Variants in ASAH2 observed in about 807,000 individuals in gnomAD.
The protein encoded by ASAH2 is neutral ceramidase.
Under a neutral mutation model 82.9 loss-of-function variants are expected in ASAH2, and 58 were observed. The ratio of observed to expected loss-of-function variants is 0.70; its 90% confidence interval spans 0.57 to 0.87. ASAH2 has a LOEUF of 0.87. ASAH2 is among the 40% of genes least tolerant of loss of function. The probability of loss-of-function intolerance (pLI) is 0.00; values close to 1 mark genes in which losing one functional copy is unlikely to be tolerated. For missense variants in ASAH2, 779 were observed against 834.0 expected, an observed-to-expected ratio of 0.93 and a Z score of 0.81; for synonymous variants, 276 against 289.7, an observed-to-expected ratio of 0.95 and a Z score of 0.48.
In ASAH2 at chr10:50,214,775, C is replaced by G; in HGVS notation, c.1108G>C (p.Asp370His). Residue 370 changes from aspartate (D) to histidine (H), a missense_variant, in exon 9 of 21, where the codon GAT (aspartate) becomes CAT (histidine). Asp to His is a moderately conservative substitution (Grantham distance 81, BLOSUM62 -1). Coordinates refer to ENST00000682911, the MANE Select transcript of ASAH2 (RefSeq NM_019893.4). ...PRCINTGESC[D>H]NANSTCPIGG... The stretch of plus-strand genomic sequence containing the variant: ...ATGGGACAAGTGCTATTGGCGTTAT[C>G]ACAGGACTCTCCTGTGTTGATGCAA... The G allele has an allele frequency of 1.2e-6, 2 of 1,613,800 alleles. No homozygotes were observed. Among genetic ancestry groups the G allele is most frequent in the Non-Finnish European group, 1.7e-6 (2 of 1,179,736 alleles).
At chr10:50,230,946 C>T (rs965681261) in intron 7 of ASAH2, among the ~76,000 whole-genome samples, 4 of 150,284 alleles carry the variant, frequency 2.7e-5, no homozygotes, top group Non-Finnish European at 5.9e-5. Context: ...GAGGCTGAGG[C>T]AGGAGGATCA....
chr10:50,216,390 A>G (rs1365641133), intron 8 of ASAH2, among the ~76,000 whole-genome samples: 1 of 152,146 alleles, frequency 6.6e-6, no homozygotes, highest in Admixed American at 6.6e-5. Context: ...TATACATATT[A>G]TTACTGAAAA....
At chr10:50,208,643 T>C (rs1313417225) in intron 12 of ASAH2, among the ~76,000 whole-genome samples, 1 of 151,982 alleles carries the variant, frequency 6.6e-6, no homozygotes, top group Non-Finnish European at 1.5e-5. Context: ...TACAAAACAT[T>C]GTTGAAAAAA....
intron 6 of ASAH2, among the ~76,000 whole-genome samples, chr10:50,233,544 A>T (rs1344023017): frequency 6.6e-6 from 1 of 152,124 alleles, no homozygotes; most frequent in Non-Finnish European, 1.5e-5. Context: ...TATTTCTTAC[A>T]AAAGGGATTT....
intron 7 of ASAH2, among the ~76,000 whole-genome samples, chr10:50,230,938 G>T (rs1846006150): frequency 6.6e-6 from 1 of 151,822 alleles, no homozygotes; most frequent in East Asian, 1.9e-4. Context: ...TTACTAAGGA[G>T]GCTGAGGCAG....
rs1314688824 is a variant in ASAH2, at chr10:50,233,247, G to A, written c.830C>T (p.Thr277Ile). 4 of 1,610,200 alleles carry A rather than the reference G, an allele frequency of 2.5e-6. No homozygotes were observed. The highest frequency in any genetic ancestry group is 2.7e-5 in the African/African-American group (2 of 74,760). The change falls in exon 7 of 21, where the codon ACA (threonine) becomes ATA (isoleucine). Residue 277 changes from threonine to isoleucine, a missense_variant. Around this residue, in one of 3 missense-constraint regions of ASAH2, gnomAD observed 759 missense variants for 755.2 expected, o/e 1.00. Transcript: ENST00000682911. ...TTTCAAAACTATCATTTCCTTGTCT[G>A]TATTTGAAGAATACCTAGTCAGTAA... ...QSERARYSSNTDKEMIVLKMV... is the reference protein window; with the variant it reads ...QSERARYSSNIDKEMIVLKMV...
chr10:50,221,929 C>G (rs936484680), intron 7 of ASAH2, among the ~76,000 whole-genome samples: 1 of 152,066 alleles, frequency 6.6e-6, no homozygotes, highest in African/African-American at 2.4e-5. Context: ...TGAGCTAGGT[C>G]TTAAAAGATG....
chr10:50,234,677 G>A (rs1252379180), intron 5 of ASAH2, 125 bp from the exon 6 acceptor site: 16 of 1,351,038 alleles, frequency 1.2e-5, no homozygotes, highest in Non-Finnish European at 1.6e-5. Context: ...CCACATTACG[G>A]GATAAAAGCT....
At position 50,213,267 on chromosome 10, in the gene ASAH2, C is replaced by G. The variant is rs991362725; in HGVS notation, c.1141-209G>C. ...TCTTTAGAAATGATCTATTCTGGAG[C>G]CTTTCTTTTAAAAATAAGGAAATTG... On this transcript the variant is annotated intron_variant, in intron 9 of 20. Coordinates refer to ENST00000682911, the MANE Select transcript of ASAH2 (RefSeq NM_019893.4). Among the ~76,000 whole-genome samples, 11 of 152,222 alleles carry G rather than the reference C, an allele frequency of 7.2e-5. No homozygotes were observed. The South Asian group carries it at 1.7e-3, about 23-fold the overall frequency.
chr10:50,247,159 C>CT (rs906188114), intron 2 of ASAH2, among the ~76,000 whole-genome samples: 144 of 144,378 alleles, frequency 1.0e-3, no homozygotes, highest in African/African-American at 8.4e-4. Context: ...AATTATTTTT[C>CT]TTTTTTTTTT....
At chr10:50,209,158 A>C (rs1453267187) in intron 12 of ASAH2, among the ~76,000 whole-genome samples, 1 of 152,198 alleles carries the variant, frequency 6.6e-6, no homozygotes, top group African/African-American at 2.4e-5. Context: ...TCCAAGACTT[A>C]AATGTAGAGC....
intron 8 of ASAH2, among the ~76,000 whole-genome samples, chr10:50,215,137 T>C (rs1466349598): frequency 6.6e-6 from 1 of 152,262 alleles, no homozygotes; most frequent in Non-Finnish European, 1.5e-5. Context: ...ATGAAGTCTT[T>C]ACCAATCCCT....
intron 2 of ASAH2, among the ~76,000 whole-genome samples, chr10:50,246,698 C>A (rs1225731341): frequency 6.6e-6 from 1 of 152,154 alleles, no homozygotes; most frequent in Non-Finnish European, 1.5e-5. Flanking sequence ...GATCCTCAAA[C>A]TCAGGATCTG....
intron 7 of ASAH2, among the ~76,000 whole-genome samples, chr10:50,222,069 G>A (rs1485899949): frequency 3.3e-5 from 5 of 152,192 alleles, no homozygotes; most frequent in Non-Finnish European, 7.3e-5. Context: ...GGCCAGAGCA[G>A]AATGGATATG....
rs747068281 is a variant in ASAH2 at position 50,210,835 on chromosome 10, T to C, written c.1402A>G (p.Asn468Asp). 5.6e-6 allele frequency: 9 copies of C among 1,612,734 alleles called. No homozygotes were observed. Among genetic ancestry groups the C allele is most frequent in the African/African-American group, 1.3e-5 (1 of 74,894 alleles). Residue 468 changes from asparagine to aspartate, a missense_variant, in exon 12 of 21, where the codon AAT (asparagine) becomes GAT (aspartate). Physicochemically the swap from Asn to Asp is conservative, Grantham distance 23. This residue lies in a region of ASAH2 where 759 missense variants were observed against 755.2 expected (regional missense o/e 1.00). Coordinates refer to ENST00000682911, the MANE Select transcript of ASAH2 (RefSeq NM_019893.4). ...AGTIDGVGGL[N>D]FTQGKTEGDP... ...GACTTCACCTTACCCTGTGTAAAAT[T>C]GAGGCCTCCAACTCCATCAATAGTG...
intron 7 of ASAH2, among the ~76,000 whole-genome samples, chr10:50,219,759 G>A (rs1465523765): frequency 2.0e-5 from 3 of 152,332 alleles, no homozygotes; most frequent in East Asian, 3.9e-4. Context: ...AGAAGCAGAT[G>A]TAGGGCAGAG....
At chr10:50,197,826 G>T (rs373558282) in intron 17 of ASAH2, among the ~76,000 whole-genome samples, 14 of 151,698 alleles carry the variant, frequency 9.2e-5, no homozygotes, top group South Asian at 6.2e-4. Context: ...AGACCTATGA[G>T]CATAGTGACA....
chr10:50,249,448 A>G (rs1846558939), intron 1 of ASAH2, among the ~76,000 whole-genome samples: 1 of 152,234 alleles, frequency 6.6e-6, no homozygotes, highest in Non-Finnish European at 1.5e-5. Flanking sequence ...ATAATGTAAT[A>G]GAAAGAAATA....
intron 4 of ASAH2, among the ~76,000 whole-genome samples, chr10:50,236,368 C>T (rs996442626): frequency 2.0e-5 from 3 of 152,024 alleles, no homozygotes; most frequent in Non-Finnish European, 2.9e-5. Context: ...GGGGGGAAAG[C>T]CCCTTATAAA....
Sources: allele counts gnomAD v4.1 joint callset (sites outside exome capture counted in the v4.1 genomes callset), GRCh38; gene constraint gnomAD v4.1.1; regional missense constraint gnomAD v4.1.1; transcripts MANE v1.5; gene names NCBI Gene and HGNC (gene_info 2026-07-23, HGNC 2026-07-21).